ZNF644: variants seen among roughly 807,000 people sequenced by gnomAD.
The protein encoded by ZNF644 is zinc finger protein 644.
Under a neutral mutation model 108.0 loss-of-function variants are expected in ZNF644, and 20 were observed. The observed-to-expected ratio is 0.19, with a 90% confidence interval of 0.13 to 0.27. The LOEUF (loss-of-function observed/expected upper bound fraction) is 0.27. Ranked by LOEUF, ZNF644 falls within the 10% of genes least tolerant of loss-of-function variation. The pLI is 1.00. For synonymous variants in ZNF644, 542 were observed against 539.1 expected, an observed-to-expected ratio of 1.01 and a Z score of -0.08; for missense variants, 1,338 against 1,548.9, an observed-to-expected ratio of 0.86 and a Z score of 2.29.
At chr1:90,923,728 C>T (rs1649722482) in intron 4 of ZNF644, among the ~76,000 whole-genome samples, 1 of 152,024 alleles carries the variant, frequency 6.6e-6, no homozygotes, top group African/African-American at 2.4e-5. Flanking sequence ...TTAACTAGTT[C>T]CTGCTTGTTT....
At chr1:90,961,087 A>T (rs1459145391) in intron 2 of ZNF644, among the ~76,000 whole-genome samples, 2 of 152,176 alleles carry the variant, frequency 1.3e-5, no homozygotes, top group African/African-American at 4.8e-5. Flanking sequence ...AAGAATAAAA[A>T]GCGATACAAG....
At chr1:90,937,360 T>TAAA (rs76869597) in intron 4 of ZNF644, 125 bp downstream of exon 4, 46 of 1,133,020 alleles carry the variant, frequency 4.1e-5, no homozygotes, top group Non-Finnish European at 4.9e-5. Context: ...CTGTGCTCTG[T>TAAA]AAAAAAAAAA....
intron 1 of ZNF644, among the ~76,000 whole-genome samples, chr1:90,997,468 A>G (rs1057335279): frequency 2.0e-5 from 3 of 152,112 alleles, no homozygotes; most frequent in Non-Finnish European, 4.4e-5. Flanking sequence ...AATAACAAAC[A>G]ACGCTGGGGC....
chr1:91,006,776 T>C (rs1659458561), intron 1 of ZNF644, among the ~76,000 whole-genome samples: 1 of 151,462 alleles, frequency 6.6e-6, no homozygotes, highest in East Asian at 2.0e-4. Flanking sequence ...TCTCCTGTAA[T>C]GCATCCTACT....
intron 4 of ZNF644, among the ~76,000 whole-genome samples, chr1:90,930,010 G>T (rs1301442053): frequency 1.3e-5 from 2 of 152,098 alleles, no homozygotes; most frequent in African/African-American, 4.8e-5. Context: ...TTCTGGGCTG[G>T]GTGCAGTGGC....
chr1:91,013,564 C>T lies in ZNF644; in HGVS notation c.-18+8426G>A, dbSNP rs539786783. Among the ~76,000 whole-genome samples, 11 of 152,106 alleles carry T rather than the reference C, an allele frequency of 7.2e-5. No individual in the cohort carries two copies. In the South Asian group the frequency reaches 2.3e-3, roughly 32 times the overall value. ...AGCCACTCTATTACCTGGTATCAAACTGTATTTGCTGTTTTAATTCCTATC... is the reference window on the plus strand; with the variant it reads ...AGCCACTCTATTACCTGGTATCAAATTGTATTTGCTGTTTTAATTCCTATC... On this transcript the variant is annotated intron_variant, in intron 1 of 5. Coordinates refer to ENST00000337393, the MANE Select transcript of ZNF644 (RefSeq NM_201269.3).
intron 4 of ZNF644, among the ~76,000 whole-genome samples, chr1:90,936,836 T>C (rs1651369129): frequency 6.6e-6 from 1 of 152,238 alleles, no homozygotes; most frequent in Non-Finnish European, 1.5e-5. Flanking sequence ...AGCACTAAGC[T>C]AAATCATCTG....
intron 1 of ZNF644, among the ~76,000 whole-genome samples, chr1:90,991,317 T>C (rs988030295): frequency 1.3e-5 from 2 of 152,202 alleles, no homozygotes; most frequent in Non-Finnish European, 1.5e-5. Context: ...AAAACTTTCA[T>C]ACATTCATAT....
chr1:90,975,565 G>C (rs1287089155), intron 2 of ZNF644, among the ~76,000 whole-genome samples: 1 of 150,892 alleles, frequency 6.6e-6, no homozygotes, highest in African/African-American at 2.4e-5. Flanking sequence ...AGCCTCCCAA[G>C]CAGCTGGGAT....
At chr1:90,921,292 T>C (rs1360425229) in intron 4 of ZNF644, among the ~76,000 whole-genome samples, 2 of 152,120 alleles carry the variant, frequency 1.3e-5, no homozygotes, top group Non-Finnish European at 1.5e-5. Context: ...GTATCTGTGA[T>C]AAACAGCCAA....
At position 90,939,255 on chromosome 1, in the gene ZNF644, T is replaced by C. The variant is rs768698493; in HGVS notation, c.2099A>G (p.Asn700Ser). Residue 700 changes from asparagine to serine, a missense_variant, in exon 3 of 6, where the codon AAT (asparagine) becomes AGT (serine). This residue lies in a region of ZNF644 where 462 missense variants were observed against 472.6 expected (regional missense o/e 0.98). Coordinates refer to ENST00000337393, the MANE Select transcript of ZNF644 (RefSeq NM_201269.3). ...ATTCTTATGAGGAGAGCTGTTTTGA[T>C]TGCACATGTTTACACCTGATTGGGC... ...SIAQSGVNMC[N>S]QNSSPHKNVT... 32 of 1,614,080 alleles carry C rather than the reference T, an allele frequency of 2.0e-5. No individual in the cohort carries two copies. The South Asian group carries it at 3.4e-4, about 17-fold the overall frequency.
chr1:90,973,567 C>T (rs1655711417), intron 2 of ZNF644, among the ~76,000 whole-genome samples: 1 of 152,108 alleles, frequency 6.6e-6, no homozygotes, highest in South Asian at 2.1e-4. Flanking sequence ...AATAAGTCTG[C>T]ATTTATCATG....
chr1:90,936,421 C>A (rs910910176), intron 4 of ZNF644, among the ~76,000 whole-genome samples: 1 of 152,024 alleles, frequency 6.6e-6, no homozygotes, highest in Admixed American at 6.6e-5. Flanking sequence ...AAAGAAAAAG[C>A]CGGATTAAAC....
At chr1:91,015,828 A>C (rs1455252319) in intron 1 of ZNF644, among the ~76,000 whole-genome samples, 1 of 152,216 alleles carries the variant, frequency 6.6e-6, no homozygotes, top group African/African-American at 2.4e-5. Flanking sequence ...TCTCAAGTTA[A>C]TGTAGAAAGA....
At chr1:90,945,851 C>T (rs1652459826) in intron 2 of ZNF644, among the ~76,000 whole-genome samples, 1 of 151,970 alleles carries the variant, frequency 6.6e-6, no homozygotes, top group Admixed American at 6.6e-5. Context: ...CTACATAATG[C>T]CAACCTTTGT....
At chr1:90,952,946 G>GA (rs978508725) in intron 2 of ZNF644, among the ~76,000 whole-genome samples, 2 of 104,504 alleles carry the variant, frequency 1.9e-5, no homozygotes, top group South Asian at 3.1e-4. Flanking sequence ...AAGACAATGA[G>GA]AAAAAAAATC....
At chr1:91,012,855 AAAAAC>A (rs1660084386) in intron 1 of ZNF644, among the ~76,000 whole-genome samples, 2 of 152,150 alleles carry the variant, frequency 1.3e-5, no homozygotes, top group Non-Finnish European at 2.9e-5. Context: ...AAAAATACTT[AAAAAC>A]AAGTAACCAA....
At chr1:90,950,292 A>T (rs12724935) in intron 2 of ZNF644, among the ~76,000 whole-genome samples, 1 of 2,036 alleles carries the variant, frequency 4.9e-4, no homozygotes. Flanking sequence ...AAGGGAAGGG[A>T]AGGGGAGGGG....
intron 1 of ZNF644, among the ~76,000 whole-genome samples, chr1:91,013,314 G>A (rs1295437153): frequency 6.6e-6 from 1 of 152,024 alleles, no homozygotes; most frequent in East Asian, 1.9e-4. Flanking sequence ...GACCTCAGGC[G>A]ATCTGCCGAC....
Sources: gnomAD v4.1 joint callset for allele counts (sites outside exome capture counted in the v4.1 genomes callset) on GRCh38, gnomAD v4.1.1 for gene constraint, gnomAD v4.1.1 regional missense constraint, MANE v1.5 for transcripts, NCBI Gene and HGNC (gene_info 2026-07-23, HGNC 2026-07-21) for gene names.